Variants in PRDM16 observed in about 807,000 individuals in gnomAD.
PRDM16 encodes the protein histone-lysine N-methyltransferase PRDM16.
In PRDM16, 23 loss-of-function variants were observed where a neutral mutation model predicts 110.6. That is an observed-to-expected ratio of 0.21 (90% CI 0.15 to 0.29). The LOEUF is 0.29. PRDM16 is among the 10% of genes least tolerant of loss of function. The probability of loss-of-function intolerance (pLI) is 1.00; values close to 1 mark genes in which losing one functional copy is unlikely to be tolerated. For synonymous variants in PRDM16, 799 were observed against 781.8 expected (o/e 1.02, Z -0.37); for missense variants, 1,615 against 1,794.3 (o/e 0.90, Z 1.81).
rs1352731098 is a variant in PRDM16 at position 3,436,325 on chromosome 1, C to A, written c.*2514C>A. On this transcript the variant is annotated 3_prime_UTR_variant, in exon 17 of 17. Transcript: ENST00000270722. ...CCGCCCTTACCGTTGGTCTCCGGAT[C>A]CCCCAGTCCCATCCCGCCGTTTTCG... 1.3e-5 allele frequency: 3 copies of A among 231,116 alleles called. No homozygotes were observed. The highest frequency in any genetic ancestry group is 6.1e-5 in the East Asian group (1 of 16,376). The allele number at this position is 231,116 out of a possible 1,614,324, so 14.3% of individuals were successfully genotyped here.
At chr1:3,284,638 C>T (rs1225956332) in intron 3 of PRDM16, among the ~76,000 whole-genome samples, 1 of 152,188 alleles carries the variant, frequency 6.6e-6, no homozygotes, top group Non-Finnish European at 1.5e-5. Context: ...GGAGTGCGGT[C>T]TTGATACAGA....
intron 1 of PRDM16, among the ~76,000 whole-genome samples, chr1:3,070,342 C>G (rs1362388598): frequency 6.7e-6 from 1 of 148,294 alleles, no homozygotes; most frequent in Non-Finnish European, 1.5e-5. Flanking sequence ...TCCGAGCAGC[C>G]CGCGCGCACC....
chr1:3,275,929 C>T (rs941461865), intron 3 of PRDM16, among the ~76,000 whole-genome samples: 1 of 152,240 alleles, frequency 6.6e-6, no homozygotes, highest in African/African-American at 2.4e-5. Flanking sequence ...CCATGTTTCC[C>T]TTTCTCTGTG....
chr1:3,369,566 C>T (rs1233718759), intron 3 of PRDM16, among the ~76,000 whole-genome samples: 3 of 152,236 alleles, frequency 2.0e-5, no homozygotes, highest in East Asian at 1.9e-4. Flanking sequence ...TTCCAGTTCA[C>T]GGGCCCTGGG....
intron 1 of PRDM16, among the ~76,000 whole-genome samples, chr1:3,104,258 G>A (rs1570254145): frequency 1.3e-5 from 2 of 152,340 alleles, no homozygotes; most frequent in Middle Eastern, 6.8e-3. Flanking sequence ...GCCTCCCAGA[G>A]GGAAGTCAGG....
chr1:3,390,021 G>C lies in PRDM16; in HGVS notation c.573+4735G>C, dbSNP rs1175692442. ...AATTCAAGACACTCAGATCACCCCT[G>C]GGTGGTTCTTTCTCCTGTAATTATG... On this transcript the variant is annotated intron_variant, in intron 4 of 16. Coordinates refer to ENST00000270722, the MANE Select transcript of PRDM16 (RefSeq NM_022114.4). The surrounding 1 kb of genome is among the most constrained non-coding windows in gnomAD (Gnocchi z 5.0). Among the ~76,000 whole-genome samples, 1 of 140,462 alleles carries C rather than the reference G, an allele frequency of 7.1e-6. No individual in the cohort carries two copies. The highest frequency in any genetic ancestry group is 1.5e-5 in the Non-Finnish European group (1 of 66,524). The allele number at this position is 140,462 out of a possible 152,430, so 92.1% of individuals were successfully genotyped here.
At chr1:3,193,930 C>A (rs1484287743) in intron 2 of PRDM16, among the ~76,000 whole-genome samples, 1 of 152,162 alleles carries the variant, frequency 6.6e-6, no homozygotes, top group Non-Finnish European at 1.5e-5. Context: ...GGGAGGGTGA[C>A]CAACCTCCCT....
At position 3,192,665 on chromosome 1, in the gene PRDM16, A is replaced by G. The variant is rs747277111; in HGVS notation, c.387+6191A>G. Among the ~76,000 whole-genome samples the G allele has an allele frequency of 6.6e-5, 10 of 152,240 alleles. No individual in the cohort carries two copies. In the East Asian group the frequency reaches 1.9e-3, roughly 29 times the overall value. ...TGAGCTTGGCCACAGGTCTGAGCCC[A>G]GGCAGAAGCGACCCTGTTTTAACCA... is the stretch of plus-strand genomic sequence containing the variant. On this transcript the variant is annotated intron_variant, in intron 2 of 16. Coordinates refer to ENST00000270722, the MANE Select transcript of PRDM16 (RefSeq NM_022114.4).
chr1:3,259,346 G>A (rs544477780), intron 3 of PRDM16, among the ~76,000 whole-genome samples: 4 of 152,332 alleles, frequency 2.6e-5, no homozygotes, highest in South Asian at 2.1e-4. Context: ...GTGCCTGGGC[G>A]TGGCAGCACC....
intron 3 of PRDM16, among the ~76,000 whole-genome samples, chr1:3,254,204 A>C (rs1356720503): frequency 6.6e-6 from 1 of 152,156 alleles, no homozygotes; most frequent in Non-Finnish European, 1.5e-5. Flanking sequence ...GAAGCTCTTT[A>C]GTTTAATTAG....
chr1:3,331,032 GC>G (rs1232130768), intron 3 of PRDM16, among the ~76,000 whole-genome samples: 1 of 152,202 alleles, frequency 6.6e-6, no homozygotes, highest in Non-Finnish European at 1.5e-5. Flanking sequence ...ATAAGGCCCC[GC>G]TAAACCCCAC....
intron 1 of PRDM16, among the ~76,000 whole-genome samples, chr1:3,181,244 A>AGTCTTACACACACGGCCTTACGCATG (rs1644167844): frequency 2.1e-5 from 1 of 48,566 alleles, no homozygotes; most frequent in Non-Finnish European, 4.7e-5. Context: ...TCTTACACAC[A>AGTCTTACACACACGGCCTTACGCATG]GTCTTACACA....
intron 10 of PRDM16, among the ~76,000 whole-genome samples, chr1:3,415,337 G>A (rs558287270): frequency 6.6e-6 from 1 of 152,254 alleles, no homozygotes; most frequent in Non-Finnish European, 1.5e-5. Flanking sequence ...GCAGCGCCAT[G>A]GGCTGCACCT....
intron 3 of PRDM16, among the ~76,000 whole-genome samples, chr1:3,301,357 A>G (rs1641205495): frequency 6.6e-6 from 1 of 151,934 alleles, no homozygotes; most frequent in Non-Finnish European, 1.5e-5. Context: ...AAAGAAAAAA[A>G]AAAAGGAAGG....
In PRDM16 at chr1:3,109,970, GA is replaced by G. The variant is rs528077928; in HGVS notation, c.37+40675del. 7.2e-4 allele frequency among the ~76,000 whole-genome samples: 109 copies of G among 151,272 alleles called. 1 individual carries two copies. The highest frequency in any genetic ancestry group is 2.6e-3 in the African/African-American group (106 of 41,240). Reference sequence around the variant, plus strand: ...GGCTCCCCTATGTCCTGGGTGTGGGGACACAGTGTCTGTGCCTCCCCCGTGT... The same window carrying G: ...GGCTCCCCTATGTCCTGGGTGTGGGGCACAGTGTCTGTGCCTCCCCCGTGT... On this transcript the variant is annotated intron_variant, in intron 1 of 16. Transcript: ENST00000270722.
At chr1:3,324,041 G>T (rs921154861) in intron 3 of PRDM16, among the ~76,000 whole-genome samples, 1 of 152,180 alleles carries the variant, frequency 6.6e-6, no homozygotes, top group Non-Finnish European at 1.5e-5. Flanking sequence ...CCTCCGTCTG[G>T]GTTGGGAGGA....
intron 3 of PRDM16, among the ~76,000 whole-genome samples, chr1:3,269,625 A>AGGAGGACAGTTGG (rs1640383913): frequency 2.0e-5 from 2 of 98,436 alleles, no homozygotes; most frequent in Non-Finnish European, 3.7e-5. Context: ...GCACAGTCCC[A>AGGAGGACAGTTGG]GAGGAGCACA....
intron 1 of PRDM16, among the ~76,000 whole-genome samples, chr1:3,125,999 G>A (rs1286007376): frequency 6.6e-6 from 1 of 152,256 alleles, no homozygotes; most frequent in African/African-American, 2.4e-5. Context: ...GGATCTTCCT[G>A]TGAAACCTTG....
chr1:3,232,716 A>G (rs1639445564), intron 2 of PRDM16, among the ~76,000 whole-genome samples: 1 of 152,156 alleles, frequency 6.6e-6, no homozygotes, highest in African/African-American at 2.4e-5. Context: ...TGCCATTTTT[A>G]AGGGAATTAA....
Sources: allele counts gnomAD v4.1 joint callset (sites outside exome capture counted in the v4.1 genomes callset), GRCh38; gene constraint gnomAD v4.1.1; non-coding constraint Gnocchi (gnomAD v3.1); transcripts MANE v1.5; gene names NCBI Gene and HGNC (gene_info 2026-07-23, HGNC 2026-07-21).